The following MDM1 variants were observed in gnomAD, a reference collection of about 807,000 sequenced individuals.
MDM1 encodes Mdm1 nuclear protein.
MDM1 carries 61 observed loss-of-function variants against 89.1 expected under a neutral mutation model. The ratio of observed to expected loss-of-function variants is 0.68; its 90% CI spans 0.56 to 0.85. The LOEUF is 0.85. Among genes scored for constraint, MDM1 ranks in the 40% least tolerant of loss-of-function variants. MDM1 has a pLI of 0.00. For synonymous variants in MDM1, 290 were observed against 294.1 expected (o/e 0.99, Z 0.14); for missense variants, 820 against 846.5 (o/e 0.97, Z 0.39).
intron 2 of MDM1, chr12:68,330,764 C>G (rs1436082327): frequency 4.6e-6 from 1 of 219,608 alleles, no homozygotes; most frequent in East Asian, 1.1e-4. Context: ...AGGCAATACT[C>G]TTGATGGGCT....
chr12:68,297,537 TG>T (rs1332377138), intron 13 of MDM1, among the ~76,000 whole-genome samples: 1 of 152,208 alleles, frequency 6.6e-6, no homozygotes, highest in African/African-American at 2.4e-5. Flanking sequence ...TGAGTACCAC[TG>T]AAAGTTGGAG....
At position 68,313,465 on chromosome 12, in the gene MDM1, G is replaced by T. The variant is rs774714688; in HGVS notation, c.1727C>A (p.Thr576Asn). The T allele has an allele frequency of 4.3e-6, 7 of 1,613,230 alleles. No individual in the cohort carries two copies. The East Asian group carries it at 1.6e-4, about 36-fold the overall frequency. Residue 576 changes from threonine (T) to asparagine (N), a missense_variant, in exon 12 of 15, where the codon ACT (threonine) becomes AAT (asparagine). Coordinates refer to ENST00000682720, the MANE Select transcript of MDM1 (RefSeq NM_001354969.2). Reference sequence around the variant, plus strand: ...TACCTTAGTAAAATCATTCTTTGAAGTTTCTAAACAATCCTGAGAGGTCAT... The same window carrying T: ...TACCTTAGTAAAATCATTCTTTGAATTTTCTAAACAATCCTGAGAGGTCAT... The part of the protein sequence containing the change: ...KRMTSQDCLE[T>N]SKNDFTKKES...
At chr12:68,318,665 T>A (rs530625054) in intron 7 of MDM1, among the ~76,000 whole-genome samples, 3 of 152,262 alleles carry the variant, frequency 2.0e-5, no homozygotes, top group Admixed American at 2.0e-4. Flanking sequence ...GAACTCAATG[T>A]TAAATAGAAC....
In MDM1 at chr12:68,304,560, AC is replaced by A. The variant is rs563121996; in HGVS notation, c.1750-1689del. ...TTAAACAAGTATCACTTAGTACAATACAAATAATTCCAAAGAGAAATTGTTC... is the reference window on the plus strand; with the variant it reads ...TTAAACAAGTATCACTTAGTACAATAAAATAATTCCAAAGAGAAATTGTTC... On this transcript the variant is annotated intron_variant, in intron 12 of 14. Transcript: ENST00000682720. Among the ~76,000 whole-genome samples the A allele has an allele frequency of 1.4e-3, 207 of 152,342 alleles. 1 individual carries two copies. Among genetic ancestry groups the A allele is most frequent in the African/African-American group, 4.7e-3 (194 of 41,586 alleles).
chr12:68,323,178 A>G lies in MDM1; in HGVS notation c.696T>C (p.Thr232=). The G allele has an allele frequency of 1.2e-6, 2 of 1,610,152 alleles. No individual in the cohort carries two copies. Among genetic ancestry groups the G allele is most frequent in the Non-Finnish European group, 8.5e-7 (1 of 1,178,804 alleles). The part of the protein sequence containing the change: ...PFKGNSVIHE[T]EYKRNFKGLS... ...AACCCTTGAAATTTCTTTTGTATTC[A>G]GTTTCATGGATGACTGAGTTACCTT... Residue 232 remains threonine, a synonymous_variant, in exon 5 of 15, where the codon ACT becomes ACC. Transcript: ENST00000682720.
At chr12:68,315,326 C>A in intron 9 of MDM1, 61 bp from the exon 10 acceptor site, 1 of 1,467,408 alleles carries the variant, frequency 6.8e-7, no homozygotes. Context: ...TAATCAACAC[C>A]AATTTTAGTG....
Position 68,295,324 on chromosome 12 carries a change from GA to G in MDM1, c.2104del (p.Ser702LeufsTer27). 6.2e-7 allele frequency: 1 copy of G among 1,613,352 alleles called. No homozygotes were observed. The highest frequency in any genetic ancestry group is 1.1e-5 in the South Asian group (1 of 90,982). On this transcript the variant is annotated frameshift_variant, in exon 15 of 15. Transcript: ENST00000682720. LOFTEE classifies it high-confidence loss of function. Reference sequence around the variant, plus strand: ...CAGAGTTTGAAAAGCCCGGAGACTAGAAGCTGCAGAGCGAGCAGAAATCTCA... The same window carrying G: ...CAGAGTTTGAAAAGCCCGGAGACTAGAGCTGCAGAGCGAGCAGAAATCTCA... The part of the protein sequence containing the change: ...LSEISARSAA[S>X]SLRAFQTLAR...
In MDM1 at chr12:68,315,210, T is replaced by C. The variant is rs1463606566; in HGVS notation, c.1267A>G (p.Lys423Glu). The C allele has an allele frequency of 6.2e-7, 1 of 1,614,228 alleles. No homozygotes were observed. The highest frequency in any genetic ancestry group is 1.7e-5 in the Admixed American group (1 of 60,030). Residue 423 changes from lysine to glutamate, a missense_variant, in exon 10 of 15, where the codon AAA (lysine) becomes GAA (glutamate). Lys to Glu is a moderately conservative substitution (Grantham distance 56, BLOSUM62 1). Transcript: ENST00000682720. ...QKCPSTEPEE[K>E]GNIVEEQPQK... is the part of the protein sequence containing the mutation. ...GGCTGTTCTTCCACGATATTTCCTTTTTCTTCTGGTTCTGTAGAAGGACAT... is the reference window on the plus strand; with the variant it reads ...GGCTGTTCTTCCACGATATTTCCTTCTTCTTCTGGTTCTGTAGAAGGACAT...
intron 12 of MDM1, among the ~76,000 whole-genome samples, chr12:68,311,108 T>C (rs75859129): frequency 2.0e-3 from 298 of 152,294 alleles, no homozygotes; most frequent in African/African-American, 6.8e-3. Context: ...TCTTCATATA[T>C]ACCTCAACTC....
chr12:68,326,572 A>G (rs1462031677), intron 3 of MDM1, 85 bp downstream of exon 3: 1 of 1,613,130 alleles, frequency 6.2e-7, no homozygotes, highest in African/African-American at 1.3e-5. Flanking sequence ...AAATTCTGAA[A>G]CACAAAATGT....
intron 4 of MDM1, 143 bp from the exon 5 acceptor site, chr12:68,323,383 T>A: frequency 1.7e-6 from 1 of 589,686 alleles, no homozygotes; most frequent in Non-Finnish European, 2.8e-6. Flanking sequence ...ATTTCACATA[T>A]ATTATTAACA....
In MDM1 at chr12:68,332,286, T is replaced by G; in HGVS notation, c.-41A>C. 6.4e-7 allele frequency: 1 copy of G among 1,570,872 alleles called. No individual in the cohort carries two copies. Among genetic ancestry groups the G allele is most frequent in the Non-Finnish European group, 8.6e-7 (1 of 1,159,230 alleles). The stretch of plus-strand genomic sequence containing the variant: ...AGCCCCCGCTACTCCGACAGTTAAC[T>G]GGAGAAAAAGCTCCGAGGGGGCGGG... On this transcript the variant is annotated 5_prime_UTR_variant, in exon 1 of 15. Coordinates refer to ENST00000682720, the MANE Select transcript of MDM1 (RefSeq NM_001354969.2).
rs1019437475 is a variant in MDM1, at chr12:68,326,209, G to A, written c.498+448C>T. The A allele has an allele frequency of 1.7e-5, 18 of 1,090,118 alleles. No homozygotes were observed. In the African/African-American group the frequency reaches 2.5e-4, roughly 15 times the overall value. The allele number at this position is 1,090,118 out of a possible 1,614,324, so 67.5% of individuals were successfully genotyped here. ...AAGAGAGCAGAAATGCAAGATCTCT[G>A]AGAGACAGCCAGAGCTCTCCTTCCT... On this transcript the variant is annotated intron_variant, in intron 3 of 14. Coordinates refer to ENST00000682720, the MANE Select transcript of MDM1 (RefSeq NM_001354969.2).
chr12:68,325,910 C>T, intron 3 of MDM1: 1 of 1,002,830 alleles, frequency 1.0e-6, no homozygotes, highest in Non-Finnish European at 1.2e-6. Flanking sequence ...CTCACCTGCA[C>T]ACTGCTTCTA....
intron 13 of MDM1, among the ~76,000 whole-genome samples, chr12:68,298,540 T>A (rs909936481): frequency 1.1e-4 from 16 of 152,138 alleles, no homozygotes; most frequent in African/African-American, 3.6e-4. Context: ...AGTGTGCCTA[T>A]AGACAGCCTT....
chr12:68,325,899 C>T (rs1875899020), intron 3 of MDM1: 2 of 1,006,382 alleles, frequency 2.0e-6, no homozygotes, highest in Non-Finnish European at 2.4e-6. Flanking sequence ...CAGCACTTTG[C>T]CTCACCTGCA....
chr12:68,327,610 T>TG, intron 2 of MDM1: 1 of 1,161,754 alleles, frequency 8.6e-7, no homozygotes, highest in Non-Finnish European at 1.2e-6. Flanking sequence ...TAACCTTCTA[T>TG]GAAGGTAAGA....
chr12:68,321,280 T>C (rs2034881225), intron 7 of MDM1, 67 bp downstream of exon 7: 2 of 1,222,418 alleles, frequency 1.6e-6, no homozygotes, highest in Admixed American at 2.2e-5. Context: ...AAGGAACTCG[T>C]TGTGAAATTA....
chr12:68,312,004 T>G (rs555224425), intron 12 of MDM1, among the ~76,000 whole-genome samples: 59 of 152,296 alleles, frequency 3.9e-4, no homozygotes, highest in African/African-American at 1.3e-3. Flanking sequence ...ACCAGTCTCG[T>G]TTGTCACCAC....
Sources: allele counts gnomAD v4.1 joint callset (sites outside exome capture counted in the v4.1 genomes callset), GRCh38; gene constraint gnomAD v4.1.1; transcripts MANE v1.5; gene names NCBI Gene and HGNC (gene_info 2026-07-23, HGNC 2026-07-21).